The following SLC12A8 variants were observed in gnomAD, a reference collection of about 807,000 sequenced individuals.
SLC12A8 encodes solute carrier family 12 member 8, also known as cation-chloride cotransporter 9.
Under a neutral mutation model 75.6 loss-of-function variants are expected in SLC12A8, and 69 were observed. The observed-to-expected ratio is 0.91, with a 90% CI of 0.75 to 1.11. SLC12A8 has a LOEUF of 1.11. Ranked by LOEUF, SLC12A8 falls within the 50% of genes most tolerant of loss-of-function variation. The pLI is 0.00. For missense variants in SLC12A8, 877 were observed against 896.7 expected, an observed-to-expected ratio of 0.98 and a Z score of 0.28; for synonymous variants, 365 against 372.8, an observed-to-expected ratio of 0.98 and a Z score of 0.24.
chr3:125,178,044 G>T, intron 4 of SLC12A8, 70 bp from the exon 5 acceptor site: 1 of 1,286,118 alleles, frequency 7.8e-7, no homozygotes, highest in Non-Finnish European at 1.1e-6. Context: ...GAACCGCCCA[G>T]CGCTGAGAAC....
intron 2 of SLC12A8, among the ~76,000 whole-genome samples, chr3:125,205,274 C>T (rs2107804766): frequency 6.6e-6 from 1 of 152,298 alleles, no homozygotes; most frequent in South Asian, 2.1e-4. Flanking sequence ...ATTCTCTCTT[C>T]TCAAGCAAGG....
At chr3:125,085,784 C>T (rs917506789) in intron 13 of SLC12A8, among the ~76,000 whole-genome samples, 3 of 151,982 alleles carry the variant, frequency 2.0e-5, no homozygotes, top group Non-Finnish European at 4.4e-5. Flanking sequence ...GCCATGTTGC[C>T]GAGGCTGGTC....
At position 125,194,806 on chromosome 3, in the gene SLC12A8, C is replaced by T. The variant is rs570006921; in HGVS notation, c.52-4285G>A. On this transcript the variant is annotated intron_variant, in intron 2 of 13. Transcript: ENST00000469902. ...GTTCCACCTGGATTACATACACATG[C>T]GAACCAGCAGATGGCTTTCTGAAAG... 5.6e-4 allele frequency among the ~76,000 whole-genome samples: 85 copies of T among 152,344 alleles called. 1 individual carries two copies. Among genetic ancestry groups the T allele is most frequent in the African/African-American group, 1.5e-3 (63 of 41,580 alleles).
chr3:125,120,317 C>T (rs1390518739), intron 7 of SLC12A8, among the ~76,000 whole-genome samples: 8 of 93,228 alleles, frequency 8.6e-5, no homozygotes, highest in Non-Finnish European at 1.5e-4. Flanking sequence ...GGGGGAGGGA[C>T]GGGGGCGGGA....
rs769363866 is a variant in SLC12A8, at chr3:125,118,784, G to A, written c.897C>T (p.Phe299=). ...CCTCACTCACCTTTTCCGCTATCAG[G>A]AAGTCATAGCGAAGGGCCTCTCGAG... ...ICTREALRYD[F]LIAEKVSLMG... Residue 299 remains phenylalanine, a synonymous_variant, in exon 8 of 14, where the codon TTC becomes TTT. Coordinates refer to ENST00000469902, the MANE Select transcript of SLC12A8 (RefSeq NM_024628.6). 22 of 1,613,352 alleles carry A rather than the reference G, an allele frequency of 1.4e-5. No individual in the cohort carries two copies. Among genetic ancestry groups the A allele is most frequent in the Admixed American group, 1.7e-5 (1 of 59,984 alleles).
intron 5 of SLC12A8, among the ~76,000 whole-genome samples, chr3:125,140,745 G>A (rs1177886437): frequency 6.6e-6 from 1 of 151,624 alleles, no homozygotes; most frequent in East Asian, 1.9e-4. Flanking sequence ...AAAGAGGCAG[G>A]GTCTCGCTCT....
intron 2 of SLC12A8, among the ~76,000 whole-genome samples, chr3:125,199,963 C>T (rs2107801719): frequency 6.6e-6 from 1 of 151,910 alleles, no homozygotes; most frequent in East Asian, 1.9e-4. Context: ...AATTGGTAAC[C>T]TAAGAAACTG....
intron 5 of SLC12A8, among the ~76,000 whole-genome samples, chr3:125,170,886 G>A (rs1314510242): frequency 6.6e-6 from 1 of 152,184 alleles, no homozygotes; most frequent in Non-Finnish European, 1.5e-5. Flanking sequence ...CTGCACTCCA[G>A]CCTGGGTGAC....
At chr3:125,096,689 T>C (rs1938719253) in intron 10 of SLC12A8, among the ~76,000 whole-genome samples, 1 of 152,226 alleles carries the variant, frequency 6.6e-6, no homozygotes, top group South Asian at 2.1e-4. Context: ...AAGCGCTCAG[T>C]AAAAGTCTCC....
intron 6 of SLC12A8, among the ~76,000 whole-genome samples, chr3:125,127,172 C>T (rs1025243991): frequency 6.6e-6 from 1 of 152,204 alleles, no homozygotes; most frequent in Non-Finnish European, 1.5e-5. Flanking sequence ...TTTCCAAACC[C>T]CATTCCTTTC....
At chr3:125,169,389 G>A (rs889645567) in intron 5 of SLC12A8, among the ~76,000 whole-genome samples, 6 of 152,156 alleles carry the variant, frequency 3.9e-5, no homozygotes, top group African/African-American at 1.4e-4. Context: ...GAGGGGCCCA[G>A]GCTGCCAGGC....
chr3:125,196,326 C>T (rs1321799344), intron 2 of SLC12A8, among the ~76,000 whole-genome samples: 5 of 151,986 alleles, frequency 3.3e-5, no homozygotes, highest in Non-Finnish European at 5.9e-5. Context: ...GTATCACATT[C>T]GAAAACAAAA....
intron 5 of SLC12A8, 35 bp downstream of exon 5, chr3:125,177,708 C>A: frequency 1.3e-6 from 2 of 1,549,530 alleles, no homozygotes; most frequent in Non-Finnish European, 1.8e-6. Flanking sequence ...CAGTGAAGAT[C>A]CATAAGGCCA....
At chr3:125,102,103 T>C (rs954801174) in intron 10 of SLC12A8, among the ~76,000 whole-genome samples, 9 of 152,212 alleles carry the variant, frequency 5.9e-5, no homozygotes, top group Admixed American at 5.9e-4. Context: ...TAATAGTTTA[T>C]ATTACTAATA....
At chr3:125,164,242 C>A (rs587926) in intron 5 of SLC12A8, among the ~76,000 whole-genome samples, 104,675 of 152,058 alleles carry the variant, frequency 0.69, 37,612 homozygotes, top group East Asian at 0.77. Context: ...CAGGGAATCA[C>A]GCTTTGGAGT....
At chr3:125,116,102 C>T (rs750375550) in intron 8 of SLC12A8, among the ~76,000 whole-genome samples, 1 of 152,306 alleles carries the variant, frequency 6.6e-6, no homozygotes, top group African/African-American at 2.4e-5. Flanking sequence ...TCCCAAGGAG[C>T]GACACCAGTG....
At chr3:125,165,629 G>A (rs1235937120) in intron 5 of SLC12A8, among the ~76,000 whole-genome samples, 1 of 152,192 alleles carries the variant, frequency 6.6e-6, no homozygotes, top group African/African-American at 2.4e-5. Context: ...GGGCATGGAG[G>A]GCTCCCTCCA....
chr3:125,155,815 C>A, intron 5 of SLC12A8, among the ~76,000 whole-genome samples: 1 of 142,374 alleles, frequency 7.0e-6, no homozygotes. Context: ...GTTGATGAAC[C>A]ACTTTTCTTA....
intron 2 of SLC12A8, among the ~76,000 whole-genome samples, chr3:125,196,201 T>C (rs534224309): frequency 4.6e-5 from 7 of 152,170 alleles, no homozygotes; most frequent in Non-Finnish European, 8.8e-5. Context: ...AAAATCTAAA[T>C]AGAATGCAAA....
Sources: gnomAD v4.1 joint callset for allele counts (sites outside exome capture counted in the v4.1 genomes callset) on GRCh38, gnomAD v4.1.1 for gene constraint, MANE v1.5 for transcripts, NCBI Gene and HGNC (gene_info 2026-07-23, HGNC 2026-07-21) for gene names.